Variants in CHAT observed in about 807,000 individuals in gnomAD.
CHAT encodes the protein choline O-acetyltransferase, also known as acetyl CoA:choline O-acetyltransferase.
In CHAT, 61 loss-of-function variants were observed where a neutral mutation model predicts 76.9. The ratio of observed to expected loss-of-function variants is 0.79; its 90% CI spans 0.65 to 0.98. The LOEUF (loss-of-function observed/expected upper bound fraction) is 0.98, where lower values mean the gene tolerates loss of function less well. Ranked by LOEUF, CHAT falls within the 50% of genes least tolerant of loss-of-function variation. CHAT has a pLI of 0.00. For synonymous variants in CHAT, 407 were observed against 397.4 expected (o/e 1.02, Z -0.29); for missense variants, 946 against 986.9 (o/e 0.96, Z 0.56).
chr10:49,634,676 TG>T (rs1200498492), intron 7 of CHAT, among the ~76,000 whole-genome samples: 1 of 152,200 alleles, frequency 6.6e-6, no homozygotes, highest in Non-Finnish European at 1.5e-5. Context: ...CAGTAATGTT[TG>T]GGGTACAAGA....
chr10:49,625,291 G>A (rs753341915), intron 5 of CHAT, among the ~76,000 whole-genome samples, 182 bp from the exon 6 acceptor site: 6 of 152,190 alleles, frequency 3.9e-5, no homozygotes, highest in Non-Finnish European at 7.3e-5. Flanking sequence ...CACGTGTTGT[G>A]GAAATGGGGC....
chr10:49,624,662 C>T (rs1411053431), intron 5 of CHAT, among the ~76,000 whole-genome samples: 3 of 152,190 alleles, frequency 2.0e-5, no homozygotes, highest in East Asian at 1.9e-4. Flanking sequence ...GGTGCCTGGC[C>T]TATACGGAGG....
intron 8 of CHAT, chr10:49,648,049 T>A: frequency 5.0e-6 from 1 of 201,672 alleles, no homozygotes; most frequent in Non-Finnish European, 1.0e-5. Flanking sequence ...AAAGGGTGAG[T>A]TTGGGGAGAA....
chr10:49,612,000 C>G, upstream of CHAT: 1 of 1,613,808 alleles, frequency 6.2e-7, no homozygotes, highest in Non-Finnish European at 8.5e-7. Flanking sequence ...ATGGCAGCGT[C>G]TACGCCATCG....
intron 1 of CHAT, chr10:49,615,826 C>T: frequency 1.7e-6 from 1 of 587,056 alleles, no homozygotes; most frequent in African/African-American, 1.9e-5. Flanking sequence ...GCATACCTCC[C>T]TGGGCACTCC....
chr10:49,649,311 C>T (rs1209547774), intron 9 of CHAT, among the ~76,000 whole-genome samples, 197 bp from the exon 10 acceptor site: 1 of 152,148 alleles, frequency 6.6e-6, no homozygotes, highest in Non-Finnish European at 1.5e-5. Context: ...GAGCCCTGGC[C>T]CTGCCACTTA....
chr10:49,644,473 TC>T (rs1284072226), intron 7 of CHAT, among the ~76,000 whole-genome samples: 1 of 152,108 alleles, frequency 6.6e-6, no homozygotes, highest in East Asian at 1.9e-4. Flanking sequence ...TATGCTTAGA[TC>T]CTCAGGGCAT....
chr10:49,622,075 C>T (rs758275764), intron 4 of CHAT, 22 bp from the exon 5 acceptor site: 52 of 1,096,428 alleles, frequency 4.7e-5, no homozygotes, highest in Non-Finnish European at 5.6e-5. Flanking sequence ...AGGAAGGGCT[C>T]AGGCCTCCCT....
intron 13 of CHAT, chr10:49,661,537 C>A (rs10857526): frequency 0.4 from 61,306 of 152,010 alleles, 12,915 homozygotes; most frequent in East Asian, 0.69. Flanking sequence ...TGAAAGAGAA[C>A]AGCTGTCAAA....
intron 10 of CHAT, among the ~76,000 whole-genome samples, chr10:49,651,178 C>T (rs997993208): frequency 2.2e-4 from 33 of 151,964 alleles, no homozygotes; most frequent in African/African-American, 8.0e-4. Flanking sequence ...CTGTCCCAGA[C>T]GTCTGTCAAC....
At chr10:49,611,030 C>T (rs757220675), upstream of CHAT, 2 of 1,613,964 alleles carry the variant, frequency 1.2e-6, no homozygotes, top group African/African-American at 1.3e-5. Context: ...ACGGCCAACA[C>T]CTCGGCGTCC....
intron 3 of CHAT, 49 bp downstream of exon 3, chr10:49,619,965 C>T: frequency 1.3e-6 from 2 of 1,566,614 alleles, no homozygotes; most frequent in Non-Finnish European, 1.7e-6. Context: ...GGAGGCAGAC[C>T]TGGAGACAGA....
chr10:49,628,262 T>A (rs543596082), intron 7 of CHAT, among the ~76,000 whole-genome samples: 1 of 152,164 alleles, frequency 6.6e-6, no homozygotes, highest in Non-Finnish European at 1.5e-5. Context: ...ACTGTTCTGA[T>A]GAAAGTCTCC....
Position 49,648,525 on chromosome 10 carries a change from G to C in CHAT, c.1300G>C (p.Gly434Arg). Reference sequence around the variant, plus strand: ...GTTGCAGTTTGTGGTGGGCCGAGACGGCACCTGCGGTGTGGTGTGCGAACA... The same window carrying C: ...GTTGCAGTTTGTGGTGGGCCGAGACCGCACCTGCGGTGTGGTGTGCGAACA... Reference protein sequence around the residue: ...KSLQFVVGRDGTCGVVCEHSP... With the variant: ...KSLQFVVGRDRTCGVVCEHSP... Residue 434 changes from glycine to arginine, a missense_variant, in exon 9 of 15, where the codon GGC (glycine) becomes CGC (arginine). This residue lies in a region of CHAT where 49 missense variants were observed against 76.7 expected (regional missense o/e 0.64). Coordinates refer to ENST00000337653, the MANE Select transcript of CHAT (RefSeq NM_020549.5). 2 of 1,613,830 alleles carry C rather than the reference G, an allele frequency of 1.2e-6. No individual in the cohort carries two copies. Among genetic ancestry groups the C allele is most frequent in the Non-Finnish European group, 1.7e-6 (2 of 1,179,862 alleles).
At chr10:49,616,457 C>T (rs1264577017) in intron 1 of CHAT, 45 bp from the exon 2 acceptor site, 2 of 1,437,734 alleles carry the variant, frequency 1.4e-6, no homozygotes, top group Non-Finnish European at 1.9e-6. Context: ...TTGTGACAGG[C>T]CTATGTGGCT....
chr10:49,635,145 T>G (rs1050647052), intron 7 of CHAT, among the ~76,000 whole-genome samples: 1 of 152,246 alleles, frequency 6.6e-6, no homozygotes, highest in Non-Finnish European at 1.5e-5. Flanking sequence ...TTCAATAATT[T>G]TATTGCTTCA....
chr10:49,625,793 G>A lies in CHAT; in HGVS notation c.933+140G>A, dbSNP rs868750. ...CTGGGGCACCATGTCTCCAAAGTGG[G>A]GCCCCTACTTCCAGTCAGTCCCATG... On this transcript the variant is annotated intron_variant, in intron 6 of 14. Coordinates refer to ENST00000337653, the MANE Select transcript of CHAT (RefSeq NM_020549.5). 0.16 allele frequency: 135,835 copies of A among 874,318 alleles called. 11,419 individuals are homozygous for A. Among genetic ancestry groups the A allele is most frequent in the Middle Eastern group, 0.19 (809 of 4,306 alleles). The allele number at this position is 874,318 out of a possible 1,614,324, so 54.2% of individuals were successfully genotyped here. A position where few individuals can be genotyped will look rare whatever the true frequency, so the allele number is the denominator to read the frequency against.
intron 7 of CHAT, among the ~76,000 whole-genome samples, chr10:49,643,681 TA>T (rs374911428): frequency 2.0e-5 from 3 of 152,152 alleles, no homozygotes; most frequent in African/African-American, 7.2e-5. Flanking sequence ...GCCTCAAAAG[TA>T]GTTGGGTTTT....
intron 13 of CHAT, among the ~76,000 whole-genome samples, chr10:49,657,994 C>T (rs998285588): frequency 2.0e-5 from 3 of 152,198 alleles, no homozygotes; most frequent in African/African-American, 7.2e-5. Context: ...TTCTTAAATA[C>T]AAATAGCCAT....
Sources: gnomAD v4.1 joint callset for allele counts (sites outside exome capture counted in the v4.1 genomes callset) on GRCh38, gnomAD v4.1.1 for gene constraint, gnomAD v4.1.1 regional missense constraint, MANE v1.5 for transcripts, NCBI Gene and HGNC (gene_info 2026-07-23, HGNC 2026-07-21) for gene names.